Variants in MYBPC1 observed in about 807,000 individuals in gnomAD.
The protein encoded by MYBPC1 is myosin-binding protein C, slow-type.
Under a neutral mutation model 147.1 loss-of-function variants are expected in MYBPC1, and 52 were observed. The ratio of observed to expected loss-of-function variants is 0.35; its 90% CI spans 0.28 to 0.45. MYBPC1 has a LOEUF of 0.45. Among genes scored for constraint, MYBPC1 ranks in the 20% least tolerant of loss-of-function variants. MYBPC1 has a pLI of 1.00. For missense variants in MYBPC1, 1,228 were observed against 1,440.3 expected (o/e 0.85, Z 2.39); for synonymous variants, 477 against 475.9 (o/e 1.00, Z -0.03).
At chr12:101,626,434 T>G (rs1888635265) in intron 3 of MYBPC1, among the ~76,000 whole-genome samples, 1 of 152,202 alleles carries the variant, frequency 6.6e-6, no homozygotes, top group South Asian at 2.1e-4. Flanking sequence ...TGGGTAGAAA[T>G]GAGTTCTCAG....
chr12:101,619,564 A>G (rs1165622486), intron 3 of MYBPC1, among the ~76,000 whole-genome samples: 3 of 152,140 alleles, frequency 2.0e-5, no homozygotes, highest in Admixed American at 6.5e-5. Context: ...GGTAATCTGG[A>G]TAGATTTTTA....
At chr12:101,618,708 T>C (rs1390532618) in intron 3 of MYBPC1, among the ~76,000 whole-genome samples, 1 of 152,116 alleles carries the variant, frequency 6.6e-6, no homozygotes, top group Admixed American at 6.5e-5. Context: ...CAACAAAAAC[T>C]CTTTTATTTA....
chr12:101,663,546 A>G lies in MYBPC1; in HGVS notation c.2342A>G (p.Tyr781Cys). The G allele has an allele frequency of 6.2e-7, 1 of 1,614,018 alleles. No individual in the cohort carries two copies. Among genetic ancestry groups the G allele is most frequent in the South Asian group, 1.1e-5 (1 of 91,064 alleles). Residue 781 changes from tyrosine (Y) to cysteine (C), a missense_variant, in exon 22 of 32, where the codon TAT (tyrosine) becomes TGT (cysteine). Physicochemically the swap from Tyr to Cys is radical, Grantham distance 194. Around this residue, in one of 2 missense-constraint regions of MYBPC1, gnomAD observed 1,077 missense variants for 1,314.2 expected, o/e 0.82. Transcript: ENST00000361466. ...GGTTTAGATGGCTATGTGCTAGAGT[A>G]TTGCTTTGAAGGAAGTAAGTACAAC... ...AAGLDGYVLE[Y>C]CFEGTEDWIV... is the part of the protein sequence containing the mutation.
chr12:101,652,550 C>T (rs886463056), intron 16 of MYBPC1, 128 bp from the exon 17 acceptor site: 3 of 691,006 alleles, frequency 4.3e-6, no homozygotes, highest in Non-Finnish European at 7.9e-6. Context: ...CTCTCTTTCT[C>T]TCTCTCTCTC....
At chr12:101,686,380 C>G (rs539825796), downstream of MYBPC1, among the ~76,000 whole-genome samples, 1 of 152,280 alleles carries the variant, frequency 6.6e-6, no homozygotes, top group East Asian at 1.9e-4. Flanking sequence ...GCCAAATCTG[C>G]CAGAGCTTCT....
chr12:101,668,041 T>C lies in MYBPC1; in HGVS notation c.2524+142T>C, dbSNP rs1176454792. The C allele has an allele frequency of 5.8e-6, 6 of 1,030,368 alleles. No homozygotes were observed. In the East Asian group the frequency reaches 1.6e-4, roughly 27 times the overall value. The allele number at this position is 1,030,368 out of a possible 1,614,324, so 63.8% of individuals were successfully genotyped here. Reference sequence around the variant, plus strand: ...TTAATGCTTTAATGCTTCCTAAGAGTTAGAACTTAATAAAGCAGCTCTCTT... The same window carrying C: ...TTAATGCTTTAATGCTTCCTAAGAGCTAGAACTTAATAAAGCAGCTCTCTT... On this transcript the variant is annotated intron_variant, in intron 23 of 31. Coordinates refer to ENST00000361466, the MANE Select transcript of MYBPC1 (RefSeq NM_002465.4).
At chr12:101,626,983 A>G in intron 4 of MYBPC1, 73 bp downstream of exon 4, 1 of 1,406,366 alleles carries the variant, frequency 7.1e-7, no homozygotes. Flanking sequence ...AAGAAAAGGC[A>G]GTGAGCCTCC....
chr12:101,679,974 A>G lies in MYBPC1; in HGVS notation c.3247-369A>G, dbSNP rs57370836. 5.8e-3 allele frequency among the ~76,000 whole-genome samples: 886 copies of G among 152,364 alleles called. 12 individuals are homozygous for G. The highest frequency in any genetic ancestry group is 0.02 in the African/African-American group (849 of 41,586). On this transcript the variant is annotated intron_variant, in intron 28 of 31. Coordinates refer to ENST00000361466, the MANE Select transcript of MYBPC1 (RefSeq NM_002465.4). Reference sequence around the variant, plus strand: ...TATATGTACACATTGTGTAATGATTATCACAATCAAATTAATACATTCATC... The same window carrying G: ...TATATGTACACATTGTGTAATGATTGTCACAATCAAATTAATACATTCATC...
At chr12:101,644,590 C>A in intron 11 of MYBPC1, 74 bp from the exon 12 acceptor site, 1 of 1,363,966 alleles carries the variant, frequency 7.3e-7, no homozygotes, top group Non-Finnish European at 1.0e-6. Context: ...GGTTCTCCTA[C>A]ATGTATTGAC....
Position 101,631,576 on chromosome 12 carries a change from G to C in MYBPC1, c.295G>C (p.Asp99His). 6.2e-7 allele frequency: 1 copy of C among 1,613,944 alleles called. No homozygotes were observed. Among genetic ancestry groups the C allele is most frequent in the Non-Finnish European group, 8.5e-7 (1 of 1,179,920 alleles). ...PQGGTVKVGE[D>H]ITFIAKVKAE... is the part of the protein sequence containing the mutation. ...ATCCCTTATGCTTCTTCTAGGTGAA[G>C]ATATCACCTTCATAGCCAAAGTCAA... Residue 99 changes from aspartate to histidine, a missense_variant, in exon 7 of 32, where the codon GAT becomes CAT. This residue lies in a region of MYBPC1 where 151 missense variants were observed against 126.1 expected (regional missense o/e 1.20). Coordinates refer to ENST00000361466, the MANE Select transcript of MYBPC1 (RefSeq NM_002465.4).
chr12:101,666,713 TTTAA>T (rs1421135987), intron 22 of MYBPC1: 3 of 1,592,176 alleles, frequency 1.9e-6, no homozygotes, highest in South Asian at 2.2e-5. Flanking sequence ...AGTGGGTGTC[TTTAA>T]TTAATTTTAA....
chr12:101,659,893 C>T, intron 19 of MYBPC1, 62 bp downstream of exon 19: 4 of 1,582,850 alleles, frequency 2.5e-6, no homozygotes, highest in Non-Finnish European at 3.5e-6. Flanking sequence ...TCAGAGTAGA[C>T]TTTCCTTCTT....
intron 5 of MYBPC1, 66 bp downstream of exon 5, chr12:101,627,870 T>C: frequency 6.6e-7 from 1 of 1,506,528 alleles, no homozygotes; most frequent in Non-Finnish European, 9.2e-7. Context: ...AGCTCATTTC[T>C]TGAAGCTGTA....
intron 22 of MYBPC1, among the ~76,000 whole-genome samples, chr12:101,667,131 C>T (rs1192231845): frequency 1.3e-5 from 2 of 152,168 alleles, no homozygotes; most frequent in Non-Finnish European, 2.9e-5. Context: ...ATTTTGGTTG[C>T]AAGGATAGAA....
At chr12:101,616,164 T>C (rs1359491641) in intron 2 of MYBPC1, among the ~76,000 whole-genome samples, 2 of 152,146 alleles carry the variant, frequency 1.3e-5, no homozygotes, top group African/African-American at 4.8e-5. Context: ...GCCATATGAG[T>C]TCAAACGGGA....
chr12:101,609,485 G>A lies in MYBPC1; in HGVS notation c.26-5011G>A, dbSNP rs77537687. 6.1e-4 allele frequency among the ~76,000 whole-genome samples: 93 copies of A among 151,766 alleles called. No homozygotes were observed. The Middle Eastern group carries it at 0.014, about 22-fold the overall frequency. On this transcript the variant is annotated intron_variant, in intron 1 of 31. Transcript: ENST00000361466. ...TTTTATGAAGACAGGATTTCATTAC[G>A]TTGCCCAGGTAGGTCTCAAACACCT... is the stretch of plus-strand genomic sequence containing the variant.
chr12:101,655,508 A>C (rs1200990881), intron 18 of MYBPC1, among the ~76,000 whole-genome samples: 3 of 152,216 alleles, frequency 2.0e-5, no homozygotes, highest in Non-Finnish European at 4.4e-5. Flanking sequence ...TCAGCTTAGA[A>C]GTTGCCACTC....
At chr12:101,663,870 C>T (rs888940510) in intron 22 of MYBPC1, among the ~76,000 whole-genome samples, 2 of 152,090 alleles carry the variant, frequency 1.3e-5, no homozygotes, top group Admixed American at 6.5e-5. Flanking sequence ...AATTGAATTG[C>T]ACCACAGCAA....
chr12:101,659,578 C>G, intron 18 of MYBPC1, 94 bp from the exon 19 acceptor site: 1 of 1,263,344 alleles, frequency 7.9e-7, no homozygotes, highest in South Asian at 1.2e-5. Flanking sequence ...ACTATACACT[C>G]TATAGTCTGC....
Sources: gnomAD v4.1 joint callset for allele counts (sites outside exome capture counted in the v4.1 genomes callset) on GRCh38, gnomAD v4.1.1 for gene constraint, gnomAD v4.1.1 regional missense constraint, MANE v1.5 for transcripts, NCBI Gene and HGNC (gene_info 2026-07-23, HGNC 2026-07-21) for gene names.